Variants in TDRD7 observed in about 807,000 individuals in gnomAD.
TDRD7 encodes tudor domain-containing protein 7.
In TDRD7, 47 loss-of-function variants were observed where a neutral mutation model predicts 109.8. The observed-to-expected ratio is 0.43, with a 90% CI of 0.34 to 0.55. The LOEUF (loss-of-function observed/expected upper bound fraction) is 0.55. Among genes scored for constraint, TDRD7 ranks in the 20% least tolerant of loss-of-function variants. The probability of loss-of-function intolerance (pLI) is 0.03; values close to 1 mark genes in which losing one functional copy is unlikely to be tolerated. For missense variants in TDRD7, 1,164 were observed against 1,319.2 expected (o/e 0.88, Z 1.82); for synonymous variants, 424 against 457.3 (o/e 0.93, Z 0.93).
At chr9:97,462,456 C>T (rs1828741414) in intron 7 of TDRD7, among the ~76,000 whole-genome samples, 1 of 152,138 alleles carries the variant, frequency 6.6e-6, no homozygotes, top group African/African-American at 2.4e-5. Flanking sequence ...GGCTTCTGCC[C>T]TCCCCACAAG....
At chr9:97,488,560 G>GTTTTTTTTTTTTTTTT (rs61689126) in intron 16 of TDRD7, among the ~76,000 whole-genome samples, 1 of 140,590 alleles carries the variant, frequency 7.1e-6, no homozygotes, top group Non-Finnish European at 1.5e-5. Flanking sequence ...AGATTTAATG[G>GTTTTTTTTTTTTTTTT]TTTTTTTTTT....
chr9:97,471,221 A>G (rs1424279159), intron 9 of TDRD7, among the ~76,000 whole-genome samples: 1 of 152,244 alleles, frequency 6.6e-6, no homozygotes, highest in Non-Finnish European at 1.5e-5. Flanking sequence ...CTTAAAGGAC[A>G]GATGACACAT....
chr9:97,467,101 A>G (rs752565487), intron 8 of TDRD7, among the ~76,000 whole-genome samples: 4 of 152,094 alleles, frequency 2.6e-5, no homozygotes, highest in Non-Finnish European at 4.4e-5. Flanking sequence ...TCTCTAGTTG[A>G]TAGGAGATAA....
intron 1 of TDRD7, among the ~76,000 whole-genome samples, chr9:97,417,231 G>A (rs1471316549): frequency 2.6e-5 from 4 of 152,132 alleles, no homozygotes; most frequent in African/African-American, 9.7e-5. Flanking sequence ...AGAGAAGAGA[G>A]AACTTAGGGC....
chr9:97,485,038 T>G (rs980035140), intron 15 of TDRD7, among the ~76,000 whole-genome samples: 3 of 152,216 alleles, frequency 2.0e-5, no homozygotes, highest in African/African-American at 7.2e-5. Context: ...TAAAAACAGA[T>G]AATCTGATTT....
intron 1 of TDRD7, among the ~76,000 whole-genome samples, chr9:97,420,064 T>G (rs1032905503): frequency 3.3e-5 from 5 of 152,100 alleles, no homozygotes; most frequent in African/African-American, 1.2e-4. Flanking sequence ...CCTAAATACT[T>G]GTACATGAAT....
rs1275495982 is a variant in TDRD7 at position 97,442,058 on chromosome 9, TG to T, written c.855+184del. Among the ~76,000 whole-genome samples the T allele has an allele frequency of 2.6e-5, 4 of 152,250 alleles. No homozygotes were observed. In the East Asian group the frequency reaches 7.7e-4, roughly 29 times the overall value. On this transcript the variant is annotated intron_variant, in intron 6 of 16. Transcript: ENST00000355295. ...CTTATTTATAGAAGTATGTCAAAGT[TG>T]AAGGTTCTCCTGTGTTGTAATTGCT...
chr9:97,491,837 C>T (rs912197676), intron 16 of TDRD7, among the ~76,000 whole-genome samples: 1 of 152,200 alleles, frequency 6.6e-6, no homozygotes, highest in African/African-American at 2.4e-5. Context: ...TTCTCCTCCC[C>T]CAACTGGAAG....
chr9:97,487,464 A>G (rs1225099745), intron 16 of TDRD7, 132 bp downstream of exon 16: 2 of 1,089,238 alleles, frequency 1.8e-6, no homozygotes, highest in Non-Finnish European at 2.8e-6. Context: ...TTGTGCTAAT[A>G]ATATTGCAAC....
rs1404173788 is a variant in TDRD7, at chr9:97,441,739, G to A, written c.719G>A (p.Arg240His). Residue 240 changes from arginine (R) to histidine (H), a missense_variant, in exon 6 of 17, where the codon CGC becomes CAC. Coordinates refer to ENST00000355295, the MANE Select transcript of TDRD7 (RefSeq NM_014290.3). ...TATAAAATGGATGAGGTTCAAAATCGCATAAAGGAAATACTAAACAAGCAT... is the reference window on the plus strand; with the variant it reads ...TATAAAATGGATGAGGTTCAAAATCACATAAAGGAAATACTAAACAAGCAT... ...YTYKMDEVQN[R>H]IKEILNKHNN... 1.9e-6 allele frequency: 3 copies of A among 1,613,486 alleles called. No individual in the cohort carries two copies. Among genetic ancestry groups the A allele is most frequent in the Admixed American group, 1.7e-5 (1 of 59,978 alleles).
intron 8 of TDRD7, among the ~76,000 whole-genome samples, chr9:97,469,371 C>A (rs915868175): frequency 2.6e-5 from 4 of 152,196 alleles, no homozygotes; most frequent in African/African-American, 9.7e-5. Flanking sequence ...AAGAGATGGT[C>A]TTTCTGATAC....
intron 5 of TDRD7, among the ~76,000 whole-genome samples, chr9:97,440,784 G>T (rs960949121): frequency 6.6e-6 from 1 of 152,114 alleles, no homozygotes; most frequent in African/African-American, 2.4e-5. Context: ...TTTGCATATA[G>T]ATGGTAATAT....
chr9:97,414,486 TTCCTTGTGAAAA>T (rs1827779844), intron 1 of TDRD7, among the ~76,000 whole-genome samples: 1 of 152,232 alleles, frequency 6.6e-6, no homozygotes, highest in Non-Finnish European at 1.5e-5. Flanking sequence ...CTTTCTTATC[TTCCTTGTGAAAA>T]AAAGAGACCT....
At chr9:97,420,427 C>T (rs1269427525) in intron 1 of TDRD7, among the ~76,000 whole-genome samples, 1 of 151,910 alleles carries the variant, frequency 6.6e-6, no homozygotes, top group Non-Finnish European at 1.5e-5. Context: ...GTAAAAATCC[C>T]TCTTTATAGC....
chr9:97,480,369 G>A, intron 13 of TDRD7: 1 of 208,794 alleles, frequency 4.8e-6, no homozygotes, highest in Non-Finnish European at 9.8e-6. Context: ...TACCCACGAG[G>A]TACTCAGGAA....
intron 4 of TDRD7, among the ~76,000 whole-genome samples, chr9:97,434,215 A>G (rs903226288): frequency 6.6e-6 from 1 of 152,188 alleles, no homozygotes; most frequent in Non-Finnish European, 1.5e-5. Flanking sequence ...CATTTGCAAC[A>G]ACATGGATGA....
chr9:97,473,564 T>C lies in TDRD7; in HGVS notation c.2017T>C (p.Cys673Arg). ...SDGTLYCQVPCKGLNKLSDLL... is the reference protein window; with the variant it reads ...SDGTLYCQVPRKGLNKLSDLL... The stretch of plus-strand genomic sequence containing the variant: ...TGGGACACTCTACTGCCAGGTGCCT[T>C]GTAAGGGTCTGAACAAGCTCAGTGA... Residue 673 changes from cysteine to arginine, a missense_variant, in exon 11 of 17, where the codon TGT (cysteine) becomes CGT (arginine). Physicochemically the swap from Cys to Arg is radical, Grantham distance 180 (BLOSUM62 -3). Around this residue, in one of 5 missense-constraint regions of TDRD7, gnomAD observed 261 missense variants for 336.2 expected, o/e 0.78. Transcript: ENST00000355295. The C allele has an allele frequency of 6.2e-7, 1 of 1,613,842 alleles. No homozygotes were observed. The highest frequency in any genetic ancestry group is 8.5e-7 in the Non-Finnish European group (1 of 1,179,802).
rs1200254910 is a variant in TDRD7 at position 97,487,351 on chromosome 9, G to A, written c.3076+19G>A. The A allele has an allele frequency of 3.1e-6, 5 of 1,613,758 alleles. No homozygotes were observed. Among genetic ancestry groups the A allele is most frequent in the African/African-American group, 1.3e-5 (1 of 75,000 alleles). On this transcript the variant is annotated intron_variant, in intron 16 of 16. Transcript: ENST00000355295. Reference sequence around the variant, plus strand: ...CTTGCAGGTAATTTCTGTGGAATCTGAACTCATGCTACAACAATGCAATAT... The same window carrying A: ...CTTGCAGGTAATTTCTGTGGAATCTAAACTCATGCTACAACAATGCAATAT...
At chr9:97,421,986 G>A (rs1266072209) in intron 1 of TDRD7, among the ~76,000 whole-genome samples, 1 of 151,998 alleles carries the variant, frequency 6.6e-6, no homozygotes, top group Non-Finnish European at 1.5e-5. Context: ...TATTTATTTT[G>A]AGTTAATTTT....
Sources: gnomAD v4.1 joint callset for allele counts (sites outside exome capture counted in the v4.1 genomes callset) on GRCh38, gnomAD v4.1.1 for gene constraint, gnomAD v4.1.1 regional missense constraint, MANE v1.5 for transcripts, NCBI Gene and HGNC (gene_info 2026-07-23, HGNC 2026-07-21) for gene names.